The following KCNAB1 variants were observed in gnomAD, a reference collection of about 807,000 sequenced individuals.
The protein encoded by KCNAB1 is voltage-gated potassium channel subunit beta-1.
KCNAB1 carries 35 observed loss-of-function variants against 64.6 expected under a neutral mutation model. The observed-to-expected ratio is 0.54, with a 90% CI of 0.41 to 0.72. KCNAB1 has a LOEUF of 0.72. Ranked by LOEUF, KCNAB1 falls within the 30% of genes least tolerant of loss-of-function variation. KCNAB1 has a pLI of 0.00. For missense variants in KCNAB1, 401 were observed against 512.9 expected (o/e 0.78, Z 2.11); for synonymous variants, 177 against 183.8 (o/e 0.96, Z 0.30).
intron 8 of KCNAB1, among the ~76,000 whole-genome samples, chr3:156,488,793 A>C (rs9832960): frequency 0.012 from 1,825 of 152,202 alleles, 34 homozygotes; most frequent in African/African-American, 0.042. Context: ...GGTTATAGCA[A>C]TCTAGATGAG....
chr3:156,171,202 C>CACAT, intron 1 of KCNAB1, among the ~76,000 whole-genome samples: 1 of 151,682 alleles, frequency 6.6e-6, no homozygotes, highest in Non-Finnish European at 1.5e-5. Flanking sequence ...CATACACACA[C>CACAT]ACACACACAC....
chr3:156,380,672 A>T (rs1183707319), intron 1 of KCNAB1, among the ~76,000 whole-genome samples: 1 of 152,192 alleles, frequency 6.6e-6, no homozygotes, highest in Non-Finnish European at 1.5e-5. Flanking sequence ...TTCAAAGATG[A>T]ATAAAATATA....
intron 1 of KCNAB1, among the ~76,000 whole-genome samples, chr3:156,160,424 C>T (rs1298518306): frequency 1.3e-5 from 2 of 152,168 alleles, no homozygotes; most frequent in Non-Finnish European, 2.9e-5. Context: ...GGTAGCAACT[C>T]TTCTCCATCT....
intron 1 of KCNAB1, among the ~76,000 whole-genome samples, chr3:156,201,115 C>T (rs1162406885): frequency 3.9e-5 from 6 of 152,186 alleles, no homozygotes; most frequent in African/African-American, 1.4e-4. Context: ...ATGCCCCACC[C>T]TGCTTCTGCT....
intron 1 of KCNAB1, among the ~76,000 whole-genome samples, chr3:156,400,538 C>T (rs891798826): frequency 6.6e-6 from 1 of 152,170 alleles, no homozygotes; most frequent in Non-Finnish European, 1.5e-5. Flanking sequence ...GATAGTTTTC[C>T]ATCACCTACA....
chr3:156,418,172 T>C (rs1715220274), intron 1 of KCNAB1, among the ~76,000 whole-genome samples: 1 of 152,234 alleles, frequency 6.6e-6, no homozygotes, highest in African/African-American at 2.4e-5. Flanking sequence ...GAAAAATAAT[T>C]CATTCTAATT....
chr3:156,514,915 G>A (rs1314604481), intron 9 of KCNAB1, among the ~76,000 whole-genome samples, 185 bp from the exon 10 acceptor site: 2 of 152,140 alleles, frequency 1.3e-5, no homozygotes, highest in Non-Finnish European at 2.9e-5. Flanking sequence ...ATTAATAAGG[G>A]TTTCCTACCT....
chr3:156,516,408 A>G (rs114482791), intron 11 of KCNAB1, 44 bp downstream of exon 11: 14,312 of 1,373,372 alleles, frequency 0.01, 357 homozygotes, highest in African/African-American at 0.059. Context: ...AGTAGGAAGG[A>G]GGGAAGAAGG....
intron 1 of KCNAB1, among the ~76,000 whole-genome samples, chr3:156,360,562 A>G (rs1236834279): frequency 6.6e-6 from 1 of 151,956 alleles, no homozygotes; most frequent in Non-Finnish European, 1.5e-5. Context: ...TAAAAATAAA[A>G]AATTAGCTAG....
At position 156,537,819 on chromosome 3, in the gene KCNAB1, T is replaced by C. The variant is rs1248193505; in HGVS notation, c.*1072T>C. On this transcript the variant is annotated 3_prime_UTR_variant, in exon 14 of 14. Coordinates refer to ENST00000490337, the MANE Select transcript of KCNAB1 (RefSeq NM_172160.3). ...TTTTATAATATAATGTTTGGTATTTTTGAGGCATTGTTAACATGAAAGTCA... is the reference window on the plus strand; with the variant it reads ...TTTTATAATATAATGTTTGGTATTTCTGAGGCATTGTTAACATGAAAGTCA... 1.3e-5 allele frequency: 2 copies of C among 152,612 alleles called. No individual in the cohort carries two copies. Among genetic ancestry groups the C allele is most frequent in the African/African-American group, 2.4e-5 (1 of 41,466 alleles). The allele number at this position is 152,612 out of a possible 1,614,324, so 9.5% of individuals were successfully genotyped here.
Position 156,214,604 on chromosome 3 carries a change from A to T in KCNAB1, c.275+93718A>T, listed in dbSNP as rs544321692. Among the ~76,000 whole-genome samples, 3 of 152,314 alleles carry T rather than the reference A, an allele frequency of 2.0e-5. No homozygotes were observed. The East Asian group carries it at 5.8e-4, about 29-fold the overall frequency. ...GAGATTTTGTCAGCTGAGAGCAGAT[A>T]GTTACCTGACTGCAGTGATCTCAAG... On this transcript the variant is annotated intron_variant, in intron 1 of 13. Coordinates refer to ENST00000490337, the MANE Select transcript of KCNAB1 (RefSeq NM_172160.3).
intron 8 of KCNAB1, among the ~76,000 whole-genome samples, chr3:156,505,243 C>T: frequency 6.6e-6 from 1 of 152,096 alleles, no homozygotes; most frequent in Non-Finnish European, 1.5e-5. Flanking sequence ...TATTTCTAGT[C>T]TATTCCATTG....
At chr3:156,335,402 C>T (rs759842285) in intron 1 of KCNAB1, among the ~76,000 whole-genome samples, 4 of 152,186 alleles carry the variant, frequency 2.6e-5, no homozygotes, top group Non-Finnish European at 5.9e-5. Context: ...ACACCAATCA[C>T]GACACCAGCT....
intron 1 of KCNAB1, among the ~76,000 whole-genome samples, chr3:156,188,431 C>G (rs1000662821): frequency 3.3e-5 from 5 of 151,944 alleles, no homozygotes; most frequent in Non-Finnish European, 5.9e-5. Flanking sequence ...TAAAAAAAGC[C>G]ATGGTAAATA....
chr3:156,341,313 C>T (rs2167145), intron 1 of KCNAB1, among the ~76,000 whole-genome samples: 40,198 of 152,034 alleles, frequency 0.26, 7,428 homozygotes, highest in African/African-American at 0.53. Flanking sequence ...ATCTAGACGA[C>T]GAGTTAAGTT....
At chr3:156,211,531 C>G (rs1715005086) in intron 1 of KCNAB1, among the ~76,000 whole-genome samples, 1 of 152,218 alleles carries the variant, frequency 6.6e-6, no homozygotes, top group African/African-American at 2.4e-5. Flanking sequence ...GCTTAATAAC[C>G]CCAGGTCCTA....
intron 1 of KCNAB1, among the ~76,000 whole-genome samples, chr3:156,290,659 T>A (rs1484740174): frequency 6.6e-6 from 1 of 152,158 alleles, no homozygotes; most frequent in Non-Finnish European, 1.5e-5. Context: ...TGGCCACAGA[T>A]GATCAGTGGG....
At chr3:156,189,978 C>T (rs1713456529) in intron 1 of KCNAB1, among the ~76,000 whole-genome samples, 1 of 152,002 alleles carries the variant, frequency 6.6e-6, no homozygotes. Flanking sequence ...AAATATTAAA[C>T]CAAAAGCAAT....
intron 1 of KCNAB1, among the ~76,000 whole-genome samples, chr3:156,124,577 A>C (rs953819278): frequency 6.6e-6 from 1 of 150,460 alleles, no homozygotes; most frequent in Non-Finnish European, 1.5e-5. Flanking sequence ...GTATATTTAC[A>C]CATATACACA....
Sources: gnomAD v4.1 joint callset for allele counts (sites outside exome capture counted in the v4.1 genomes callset) on GRCh38, gnomAD v4.1.1 for gene constraint, MANE v1.5 for transcripts, NCBI Gene and HGNC (gene_info 2026-07-23, HGNC 2026-07-21) for gene names.